Variants in RBM44 observed in about 807,000 individuals in gnomAD.
The protein encoded by RBM44 is RNA-binding protein 44.
In RBM44, 66 loss-of-function variants were observed where a neutral mutation model predicts 105.1. That is an observed-to-expected ratio of 0.63 (90% CI 0.52 to 0.77). The LOEUF is 0.77. Among genes scored for constraint, RBM44 ranks in the 30% least tolerant of loss-of-function variants. RBM44 has a pLI of 0.00. For missense variants in RBM44, 1,122 were observed against 1,207.8 expected (o/e 0.93, Z 1.05); for synonymous variants, 365 against 417.6 (o/e 0.87, Z 1.54).
In RBM44 at chr2:237,829,283, A is replaced by G. The variant is rs562443325; in HGVS notation, c.2667A>G (p.Ile889Met). ...AKIAVKEMNG[I>M]EINGKSVNVW... ...TAGCTGTGAAAGAAATGAATGGGAT[A>G]GAAATAAATGGAAAGTCAGTAAATG... The change falls in exon 13 of 16, where the codon ATA becomes ATG. Residue 889 changes from isoleucine (I) to methionine (M), a missense_variant. By Grantham distance (10) the Ile-to-Met change is conservative (BLOSUM62 1). Around this residue, in one of 3 missense-constraint regions of RBM44, gnomAD observed 194 missense variants for 225.5 expected, o/e 0.86. Transcript: ENST00000316997. 16 of 1,613,302 alleles carry G rather than the reference A, an allele frequency of 9.9e-6. No individual in the cohort carries two copies. The South Asian group carries it at 1.6e-4, about 17-fold the overall frequency.
chr2:237,800,111 G>T (rs2150963643), intron 1 of RBM44, among the ~76,000 whole-genome samples: 1 of 152,276 alleles, frequency 6.6e-6, no homozygotes, highest in African/African-American at 2.4e-5. Context: ...AATGGATGAA[G>T]GTTCTGATTT....
At chr2:237,837,660 G>GATTCACAAAAAA in intron 15 of RBM44, among the ~76,000 whole-genome samples, 1 of 143,912 alleles carries the variant, frequency 6.9e-6, no homozygotes, top group Non-Finnish European at 1.6e-5. Context: ...AGCAAAGAAA[G>GATTCACAAAAAA]TGCTCTCTTT....
chr2:237,829,943 C>T (rs1350702694), intron 13 of RBM44, among the ~76,000 whole-genome samples: 1 of 152,112 alleles, frequency 6.6e-6, no homozygotes, highest in Non-Finnish European at 1.5e-5. Context: ...TCAGTCTTTT[C>T]TCTCCACTGC....
chr2:237,800,908 G>A (rs1344575791), intron 1 of RBM44, among the ~76,000 whole-genome samples: 3 of 152,046 alleles, frequency 2.0e-5, no homozygotes, highest in Non-Finnish European at 2.9e-5. Flanking sequence ...TAGTAGAGAC[G>A]GGTTTTCACC....
chr2:237,810,748 C>T (rs938256345), intron 1 of RBM44, among the ~76,000 whole-genome samples: 1 of 152,026 alleles, frequency 6.6e-6, no homozygotes, highest in African/African-American at 2.4e-5. Flanking sequence ...GTGATTGGCA[C>T]AGAGGAAAAA....
chr2:237,822,014 A>G (rs1473357067), intron 8 of RBM44, among the ~76,000 whole-genome samples, 187 bp downstream of exon 8: 1 of 152,086 alleles, frequency 6.6e-6, no homozygotes, highest in East Asian at 1.9e-4. Flanking sequence ...AACAGATGTC[A>G]ACCGTATATG....
chr2:237,832,004 C>T (rs2061908693), intron 13 of RBM44, among the ~76,000 whole-genome samples: 2 of 152,052 alleles, frequency 1.3e-5, no homozygotes, highest in South Asian at 2.1e-4. Context: ...GTGTTCATTC[C>T]CCTTATTCCC....
intron 8 of RBM44, among the ~76,000 whole-genome samples, chr2:237,822,514 G>A (rs1476155839): frequency 6.6e-6 from 1 of 151,984 alleles, no homozygotes; most frequent in Admixed American, 6.6e-5. Flanking sequence ...TTCTTTATTT[G>A]AGTAATATTA....
At chr2:237,819,091 G>A (rs566360247) in intron 4 of RBM44, 132 bp downstream of exon 4, 20 of 447,364 alleles carry the variant, frequency 4.5e-5, no homozygotes, top group Middle Eastern at 6.1e-4. Flanking sequence ...TGTTTCAACC[G>A]TTTGCATTCA....
Position 237,823,921 on chromosome 2 carries a change from C to T in RBM44, c.2320+367C>T, listed in dbSNP as rs1449698706. On this transcript the variant is annotated intron_variant, in intron 9 of 15. Coordinates refer to ENST00000316997, the MANE Select transcript of RBM44 (RefSeq NM_001080504.3). ...ATTGTAATGAAATAAAGGGCTGCAA[C>T]GCGGCTTAATTCTTTCAAAGATGTT... Among the ~76,000 whole-genome samples, 5 of 152,144 alleles carry T rather than the reference C, an allele frequency of 3.3e-5. No individual in the cohort carries two copies. The East Asian group carries it at 5.8e-4, about 18-fold the overall frequency.
At position 237,803,256 on chromosome 2, in the gene RBM44, G is replaced by GAC. The variant is rs143380362; in HGVS notation, c.-19+4411_-19+4412dup. On this transcript the variant is annotated intron_variant, in intron 1 of 15. Transcript: ENST00000316997. The surrounding 1 kb of genome is among the most constrained non-coding windows in gnomAD (Gnocchi z 4.2). Reference sequence around the variant, plus strand: ...CACTCCAGCCTGGGCGACAGAGCGAGACACACACACACACACAGTCTCTCT... The same window carrying GAC: ...CACTCCAGCCTGGGCGACAGAGCGAGACACACACACACACACACAGTCTCTCT... Among the ~76,000 whole-genome samples, 7,624 of 150,634 alleles carry GAC rather than the reference G, an allele frequency of 0.051. 255 individuals carry two copies. The highest frequency in any genetic ancestry group is 0.082 in the African/African-American group (3,351 of 41,024).
At position 237,821,724 on chromosome 2, in the gene RBM44, T is replaced by C; in HGVS notation, c.2121-19T>C. ...TTATCAAACATTAGATCATATTTCT[T>C]CTGAAATGTTCTTTTTAGCTTTTCA... On this transcript the variant is annotated intron_variant, in intron 7 of 15. Coordinates refer to ENST00000316997, the MANE Select transcript of RBM44 (RefSeq NM_001080504.3). 1 of 1,544,918 alleles carries C rather than the reference T, an allele frequency of 6.5e-7. No individual in the cohort carries two copies. Among genetic ancestry groups the C allele is most frequent in the Non-Finnish European group, 8.9e-7 (1 of 1,119,742 alleles).
At position 237,823,645 on chromosome 2, in the gene RBM44, A is replaced by C. The variant is rs966167263; in HGVS notation, c.2320+91A>C. 6 of 619,818 alleles carry C rather than the reference A, an allele frequency of 9.7e-6. No individual in the cohort carries two copies. In the African/African-American group the frequency reaches 1.1e-4, roughly 12 times the overall value. 38.4% of individuals were successfully genotyped at this position (619,818 alleles called of 1,614,324 possible). A position where few individuals can be genotyped will look rare whatever the true frequency, so the allele number is the denominator to read the frequency against. On this transcript the variant is annotated intron_variant, in intron 9 of 15. Transcript: ENST00000316997. Reference sequence around the variant, plus strand: ...AGTGTTTATTCATTAAATAAAAATAAATTTTCTTAATTGATGGAAAGGCAT... The same window carrying C: ...AGTGTTTATTCATTAAATAAAAATACATTTTCTTAATTGATGGAAAGGCAT...
intron 1 of RBM44, among the ~76,000 whole-genome samples, chr2:237,805,556 A>G (rs1253662819): frequency 1.3e-5 from 2 of 152,244 alleles, no homozygotes; most frequent in Non-Finnish European, 2.9e-5. Flanking sequence ...TCCCTTATTC[A>G]ATAAATGGTG....
rs200216835 is a variant in RBM44 at position 237,821,067 on chromosome 2, A to G, written c.1914-4A>G. The G allele has an allele frequency of 7.6e-6, 12 of 1,576,766 alleles. No homozygotes were observed. The highest frequency in any genetic ancestry group is 1.7e-4 in the Middle Eastern group (1 of 5,902). On this transcript the variant is annotated splice_polypyrimidine_tract_variant and splice_region_variant and intron_variant, in intron 5 of 15. Transcript: ENST00000316997. ...TTAGTTTTGTGCACTCAACTTTTGAACAGGAATTTATCAAGTAATTCTGCT... is the reference window on the plus strand; with the variant it reads ...TTAGTTTTGTGCACTCAACTTTTGAGCAGGAATTTATCAAGTAATTCTGCT...
chr2:237,818,173 CAG>C lies in RBM44; in HGVS notation c.1258_1259del (p.Asp420Ter). 6.2e-7 allele frequency: 1 copy of C among 1,613,036 alleles called. No individual in the cohort carries two copies. Among genetic ancestry groups the C allele is most frequent in the East Asian group, 2.2e-5 (1 of 44,844 alleles). On this transcript the variant is annotated frameshift_variant, in exon 3 of 16. Coordinates refer to ENST00000316997, the MANE Select transcript of RBM44 (RefSeq NM_001080504.3). LOFTEE classifies it high-confidence loss of function. The surrounding 1 kb of genome is among the most constrained non-coding windows in gnomAD (Gnocchi z 4.6). ...CTGCTATGCTACCAAAGATCGCAGT[CAG>C]AGATAATCAGGCAATAGAAGATAAT... is the stretch of plus-strand genomic sequence containing the variant. ...FSAMLPKIAV[R>X]DNQAIEDNTS...
At chr2:237,814,026 C>T (rs2061686379) in intron 2 of RBM44, among the ~76,000 whole-genome samples, 1 of 152,014 alleles carries the variant, frequency 6.6e-6, no homozygotes. Context: ...TTTCTTCTTC[C>T]CATAAATCTG....
chr2:237,803,321 A>ACT lies in RBM44; in HGVS notation c.-19+4470_-19+4471dup, dbSNP rs748433474. 2.0e-5 allele frequency among the ~76,000 whole-genome samples: 3 copies of ACT among 150,420 alleles called. No homozygotes were observed. Among genetic ancestry groups the ACT allele is most frequent in the Non-Finnish European group, 3.0e-5 (2 of 67,668 alleles). On this transcript the variant is annotated intron_variant, in intron 1 of 15. Coordinates refer to ENST00000316997, the MANE Select transcript of RBM44 (RefSeq NM_001080504.3). The surrounding 1 kb of genome is among the most constrained non-coding windows in gnomAD (Gnocchi z 4.2). ...GAGCGAGACACACACACACACACAT[A>ACT]CTCTCTCTCTCACACACACACACAT...
chr2:237,836,247 CTG>C (rs1281364346), intron 15 of RBM44, among the ~76,000 whole-genome samples: 2 of 152,312 alleles, frequency 1.3e-5, no homozygotes, highest in South Asian at 2.1e-4. Flanking sequence ...TGCCTCCACT[CTG>C]TGAATGGAAC....
Sources: allele counts gnomAD v4.1 joint callset (sites outside exome capture counted in the v4.1 genomes callset), GRCh38; gene constraint gnomAD v4.1.1; regional missense constraint gnomAD v4.1.1; non-coding constraint Gnocchi (gnomAD v3.1); transcripts MANE v1.5; gene names NCBI Gene and HGNC (gene_info 2026-07-23, HGNC 2026-07-21).